The following IL16 variants were observed in gnomAD, a reference collection of about 807,000 sequenced individuals.
IL16 encodes pro-interleukin-16.
In IL16, 67 loss-of-function variants were observed where a neutral mutation model predicts 110.1. The observed-to-expected ratio is 0.61, with a 90% CI of 0.50 to 0.75. The LOEUF is 0.75. Ranked by LOEUF, IL16 falls within the 30% of genes least tolerant of loss-of-function variation. IL16 has a pLI of 0.00. For synonymous variants in IL16, 689 were observed against 662.9 expected, an observed-to-expected ratio of 1.04 and a Z score of -0.61; for missense variants, 1,545 against 1,655.0, an observed-to-expected ratio of 0.93 and a Z score of 1.15.
intron 10 of IL16, among the ~76,000 whole-genome samples, chr15:81,289,723 A>G (rs934753243): frequency 1.3e-5 from 2 of 152,160 alleles, no homozygotes; most frequent in Admixed American, 6.5e-5. Context: ...ATTTTCTCCA[A>G]TTCTATGAGT....
intron 1 of IL16, among the ~76,000 whole-genome samples, chr15:81,204,925 A>T (rs1334794732): frequency 1.3e-5 from 2 of 150,688 alleles, no homozygotes; most frequent in African/African-American, 4.9e-5. Context: ...GGAGCAGACC[A>T]TGATGATAAA....
chr15:81,294,638 A>T (rs1242509225), intron 12 of IL16, among the ~76,000 whole-genome samples: 1 of 152,110 alleles, frequency 6.6e-6, no homozygotes, highest in African/African-American at 2.4e-5. Flanking sequence ...TCTCCTGGAG[A>T]CAAGGCCGTT....
At chr15:81,276,041 TAGGTAATTA>T (rs1284643573) in intron 6 of IL16, among the ~76,000 whole-genome samples, 1 of 152,212 alleles carries the variant, frequency 6.6e-6, no homozygotes, top group African/African-American at 2.4e-5. Context: ...TCTAGCCCCT[TAGGTAATTA>T]AGAATGGACA....
rs201604146 is a variant in IL16, at chr15:81,294,972, C to G, written c.1902+1935C>G. Among the ~76,000 whole-genome samples, 4 of 152,158 alleles carry G rather than the reference C, an allele frequency of 2.6e-5. No individual in the cohort carries two copies. The East Asian group carries it at 7.7e-4, about 29-fold the overall frequency. ...GGGTCCCAAGACTGTTGTCAAGCTG[C>G]TATGGATGACCCCCAAGTCTTTCCC... On this transcript the variant is annotated intron_variant, in intron 12 of 18. Transcript: ENST00000683961.
chr15:81,223,434 G>A (rs970363345), intron 1 of IL16, among the ~76,000 whole-genome samples: 11 of 152,206 alleles, frequency 7.2e-5, no homozygotes, highest in Admixed American at 7.2e-4. Flanking sequence ...AAGAGACTGA[G>A]GCTAAAGGTG....
chr15:81,276,184 T>G (rs1898899372), intron 6 of IL16, among the ~76,000 whole-genome samples: 1 of 152,224 alleles, frequency 6.6e-6, no homozygotes, highest in African/African-American at 2.4e-5. Flanking sequence ...TTCCTTTTAT[T>G]TTTCACTTTG....
rs34522610 is a variant in IL16, at chr15:81,303,015, A to ATGTGTG, written c.3319-510_3319-505dup. On this transcript the variant is annotated intron_variant, in intron 15 of 18. Transcript: ENST00000683961. This position sits in a 1 kb window ranked among gnomAD's most constrained non-coding sequence, Gnocchi z 4.1. ...GTCTAGGCTAGGAAGTACCGTAGTA[A>ATGTGTG]TGTGTGTGTGTGTGTGTGTGTGTGT... 0.013 allele frequency among the ~76,000 whole-genome samples: 1,901 copies of ATGTGTG among 150,126 alleles called. 23 individuals carry two copies. The highest frequency in any genetic ancestry group is 0.052 in the East Asian group (265 of 5,074).
At chr15:81,197,911 C>T (rs7183560) in intron 1 of IL16, among the ~76,000 whole-genome samples, 10,451 of 151,972 alleles carry the variant, frequency 0.069, 724 homozygotes, top group African/African-American at 0.16. Flanking sequence ...TCCCAGGAGG[C>T]CAGTTCAAGC....
chr15:81,193,039 G>T (rs1895522523), upstream of IL16, among the ~76,000 whole-genome samples: 1 of 152,160 alleles, frequency 6.6e-6, no homozygotes, highest in African/African-American at 2.4e-5. Context: ...TAGTGCACTA[G>T]CCAGCCTATA....
chr15:81,273,282 G>A, intron 6 of IL16, 78 bp downstream of exon 6: 1 of 1,068,694 alleles, frequency 9.4e-7, no homozygotes, highest in East Asian at 2.5e-5. Flanking sequence ...CATAGAAGAT[G>A]TTGGGAATGC....
At chr15:81,183,521 C>A (rs1199033566) in intron 1 of IL16, among the ~76,000 whole-genome samples, 1 of 152,230 alleles carries the variant, frequency 6.6e-6, no homozygotes, top group Non-Finnish European at 1.5e-5. Context: ...CGTTTTAACC[C>A]TTCTGCCCAA....
Position 81,266,256 on chromosome 15 carries a change from C to G in IL16, c.564+455C>G, listed in dbSNP as rs183201922. ...GATCTTTATGACTCTGAAGCCTGTG[C>G]GAAAAGGCTTTTCACTCCTATAATC... On this transcript the variant is annotated intron_variant, in intron 4 of 18. Coordinates refer to ENST00000683961, the MANE Select transcript of IL16 (RefSeq NM_172217.5). Among the ~76,000 whole-genome samples, 90 of 152,320 alleles carry G rather than the reference C, an allele frequency of 5.9e-4. No homozygotes were observed. The Middle Eastern group carries it at 0.01, about 17-fold the overall frequency.
chr15:81,307,596 C>A (rs1005854683), intron 18 of IL16, among the ~76,000 whole-genome samples: 2 of 152,198 alleles, frequency 1.3e-5, no homozygotes, highest in African/African-American at 2.4e-5. Flanking sequence ...GGTTCAATGT[C>A]AAGAGGACTA....
chr15:81,265,073 G>A (rs74030056), intron 3 of IL16, among the ~76,000 whole-genome samples: 8,278 of 152,216 alleles, frequency 0.054, 815 homozygotes, highest in African/African-American at 0.19. Flanking sequence ...TAGAGTTCCC[G>A]GTTGGATGAA....
intron 10 of IL16, among the ~76,000 whole-genome samples, chr15:81,289,038 G>A (rs1899587078): frequency 6.6e-6 from 1 of 152,106 alleles, no homozygotes; most frequent in Non-Finnish European, 1.5e-5. Context: ...CTATTTTTAA[G>A]TTTTTGAGGA....
chr15:81,201,263 A>G (rs966790175), intron 1 of IL16, among the ~76,000 whole-genome samples: 9 of 152,164 alleles, frequency 5.9e-5, no homozygotes, highest in African/African-American at 2.2e-4. Context: ...AAGCAATCAC[A>G]CATACACCCA....
intron 13 of IL16, among the ~76,000 whole-genome samples, chr15:81,297,969 A>G (rs1900075397): frequency 6.6e-6 from 1 of 152,298 alleles, no homozygotes; most frequent in African/African-American, 2.4e-5. Flanking sequence ...AGCACATCTC[A>G]CCCAGAGCAG....
Position 81,225,538 on chromosome 15 carries a change from A to G in IL16, c.139A>G (p.Ile47Val). The G allele has an allele frequency of 6.2e-7, 1 of 1,614,068 alleles. No homozygotes were observed. The highest frequency in any genetic ancestry group is 8.5e-7 in the Non-Finnish European group (1 of 1,179,996). ...TGAGAAATATCCTGATCCCTTTGAG[A>G]TTTCCTTGGCCCAGGGCAAGGAGGG... Reference protein sequence around the residue: ...PDEKYPDPFEISLAQGKEGIF... With the variant: ...PDEKYPDPFEVSLAQGKEGIF... Residue 47 changes from isoleucine to valine, a missense_variant, in exon 2 of 19, where the codon ATT becomes GTT. By Grantham distance (29) the Ile-to-Val change is conservative (BLOSUM62 3). Around this residue, in one of 3 missense-constraint regions of IL16, gnomAD observed 1,185 missense variants for 1,238.8 expected, o/e 0.96. Transcript: ENST00000683961.
intron 1 of IL16, among the ~76,000 whole-genome samples, chr15:81,200,930 G>A (rs866319054): frequency 1.9e-4 from 29 of 152,270 alleles, no homozygotes; most frequent in African/African-American, 6.5e-4. Flanking sequence ...GGAGAAGGTG[G>A]ACAGGTGGCC....
Sources: gnomAD v4.1 joint callset for allele counts (sites outside exome capture counted in the v4.1 genomes callset) on GRCh38, gnomAD v4.1.1 for gene constraint, gnomAD v4.1.1 regional missense constraint, Gnocchi (gnomAD v3.1) non-coding constraint, MANE v1.5 for transcripts, NCBI Gene and HGNC (gene_info 2026-07-23, HGNC 2026-07-21) for gene names.